Variants in GOLGA1 observed in about 807,000 individuals in gnomAD.
The protein encoded by GOLGA1 is golgin subfamily A member 1.
A neutral mutation model predicts 119.7 loss-of-function variants in GOLGA1; 63 were observed. The observed-to-expected ratio is 0.53, with a 90% confidence interval of 0.43 to 0.65. GOLGA1 has a LOEUF of 0.65. Ranked by LOEUF, GOLGA1 falls within the 30% of genes least tolerant of loss-of-function variation. GOLGA1 has a pLI of 0.00. For synonymous variants in GOLGA1, 318 were observed against 333.4 expected, an observed-to-expected ratio of 0.95 and a Z score of 0.50; for missense variants, 798 against 912.8, an observed-to-expected ratio of 0.87 and a Z score of 1.62.
chr9:124,916,703 A>G (rs1032143791), intron 10 of GOLGA1, among the ~76,000 whole-genome samples: 1 of 151,716 alleles, frequency 6.6e-6, no homozygotes, highest in African/African-American at 2.4e-5. Flanking sequence ...GTGAGACCTT[A>G]ACTATAAAAA....
intron 11 of GOLGA1, among the ~76,000 whole-genome samples, chr9:124,909,423 T>C (rs144921754): frequency 6.1e-4 from 93 of 151,288 alleles, no homozygotes; most frequent in African/African-American, 2.1e-3. Context: ...CTGACCAACA[T>C]GGTGAAGCCC....
chr9:124,943,193 T>A (rs938581869), upstream of GOLGA1: 1 of 152,224 alleles, frequency 6.6e-6, no homozygotes, highest in Non-Finnish European at 1.5e-5. Context: ...AATGTTCAAG[T>A]CAAATGATAG....
chr9:124,886,986 G>A (rs554069329), intron 19 of GOLGA1, among the ~76,000 whole-genome samples: 1 of 152,306 alleles, frequency 6.6e-6, no homozygotes, highest in South Asian at 2.1e-4. Flanking sequence ...GCACTCTCCA[G>A]CCAGGTCTGC....
intron 15 of GOLGA1, among the ~76,000 whole-genome samples, chr9:124,897,219 C>A (rs1274399791): frequency 6.6e-6 from 1 of 152,240 alleles, no homozygotes; most frequent in Non-Finnish European, 1.5e-5. Context: ...TCCCCATTGG[C>A]TGTCCTTGCC....
chr9:124,928,382 C>T lies in GOLGA1; in HGVS notation c.302-97G>A, dbSNP rs958404306. The T allele has an allele frequency of 6.0e-5, 36 of 598,632 alleles. No homozygotes were observed. The African/African-American group carries it at 6.9e-4, about 11-fold the overall frequency. 37.1% of individuals were successfully genotyped at this position (598,632 alleles called of 1,614,324 possible). A position where few individuals can be genotyped will look rare whatever the true frequency, so the allele number is the denominator to read the frequency against. ...TACAACTGTCACCTAATGAAAAAGG[C>T]CAAAGTCACATAAGTGGATTGTGAT... On this transcript the variant is annotated intron_variant, in intron 5 of 22. Coordinates refer to ENST00000373555, the MANE Select transcript of GOLGA1 (RefSeq NM_002077.4).
Position 124,882,498 on chromosome 9 carries a change from GC to G in GOLGA1, c.1965+11del. 6.2e-7 allele frequency: 1 copy of G among 1,602,610 alleles called. No individual in the cohort carries two copies. Among genetic ancestry groups the G allele is most frequent in the African/African-American group, 1.3e-5 (1 of 74,848 alleles). ...GCTGGGAAGTGGGGCCAGCTCCCAT[GC>G]GAGTACTCACCAGCTCCTTCTGCAG... On this transcript the variant is annotated intron_variant, in intron 20 of 22. Coordinates refer to ENST00000373555, the MANE Select transcript of GOLGA1 (RefSeq NM_002077.4).
chr9:124,899,730 A>G (rs948720241), intron 13 of GOLGA1, among the ~76,000 whole-genome samples: 3 of 152,236 alleles, frequency 2.0e-5, no homozygotes, highest in Non-Finnish European at 4.4e-5. Context: ...GGCACCAGCC[A>G]GCCCTTAGAC....
At chr9:124,923,026 T>G (rs1830601061) in intron 8 of GOLGA1, 69 bp downstream of exon 8, 3 of 992,888 alleles carry the variant, frequency 3.0e-6, no homozygotes, top group Non-Finnish European at 4.7e-6. Flanking sequence ...AATTAGAGAG[T>G]GATGACTAGT....
At position 124,881,223 on chromosome 9, in the gene GOLGA1, A is replaced by G; in HGVS notation, c.2171T>C (p.Leu724Pro). The G allele has an allele frequency of 6.2e-7, 1 of 1,605,382 alleles. No individual in the cohort carries two copies. Residue 724 changes from leucine (L) to proline (P), a missense_variant, in exon 22 of 23, where the codon CTG becomes CCG. Leu to Pro is a moderately conservative substitution (Grantham distance 98). Transcript: ENST00000373555. This position sits in a 1 kb window ranked among gnomAD's most constrained non-coding sequence, Gnocchi z 4.9. ...GTTCTCCTCCTCTTGGGAAAAGTTC[A>G]GCAACACTGACACAGCTTTTATAAG... is the stretch of plus-strand genomic sequence containing the variant. ...FHLIKAVSVL[L>P]NFSQEEENML...
At chr9:124,908,212 T>C (rs1453281652) in intron 12 of GOLGA1, among the ~76,000 whole-genome samples, 165 bp downstream of exon 12, 1 of 152,220 alleles carries the variant, frequency 6.6e-6, no homozygotes, top group African/African-American at 2.4e-5. Flanking sequence ...CATAGTAATG[T>C]GACAAGGATG....
intron 4 of GOLGA1, 150 bp downstream of exon 4, chr9:124,931,165 CA>C (rs935303341): frequency 2.6e-4 from 136 of 528,828 alleles, no homozygotes; most frequent in Non-Finnish European, 2.5e-4. Context: ...ACTACACTAA[CA>C]AAAGAAGAGG....
Position 124,946,574 on chromosome 9 carries a change from C to T in GOLGA1, c.-156+1344G>A, listed in dbSNP as rs1407430448. 6.6e-6 allele frequency: 1 copy of T among 152,220 alleles called. No homozygotes were observed. Among genetic ancestry groups the T allele is most frequent in the Non-Finnish European group, 1.5e-5 (1 of 68,044 alleles). 9.4% of individuals were successfully genotyped at this position (152,220 alleles called of 1,614,324 possible). ...AAGTGTATATTAAACATCTCCTACACTCTTTCATGCAAATAAATATGTCAA... is the reference window on the plus strand; with the variant it reads ...AAGTGTATATTAAACATCTCCTACATTCTTTCATGCAAATAAATATGTCAA... On this transcript the variant is annotated intron_variant, in intron 1 of 4. Transcript: ENST00000421514. This position sits in a 1 kb window ranked among gnomAD's most constrained non-coding sequence, Gnocchi z 4.0.
chr9:124,885,501 AG>A (rs1317568264), intron 19 of GOLGA1, among the ~76,000 whole-genome samples: 3 of 144,178 alleles, frequency 2.1e-5, no homozygotes, highest in African/African-American at 7.8e-5. Context: ...AAAAAAAAAA[AG>A]AAATCAATAA....
In GOLGA1 at chr9:124,902,499, TTC is replaced by T. The variant is rs1830130373; in HGVS notation, c.1066-1954_1066-1953del. 2.0e-5 allele frequency among the ~76,000 whole-genome samples: 3 copies of T among 149,494 alleles called. No individual in the cohort carries two copies. The South Asian group carries it at 6.4e-4, about 32-fold the overall frequency. ...TAGACACACAAGGAGAGGATTTTTT[TTC>T]TTTTTGAGACAGTCTTGCTCTGTCG... is the stretch of plus-strand genomic sequence containing the variant. On this transcript the variant is annotated intron_variant, in intron 12 of 22. Coordinates refer to ENST00000373555, the MANE Select transcript of GOLGA1 (RefSeq NM_002077.4).
intron 9 of GOLGA1, 89 bp from the exon 10 acceptor site, chr9:124,921,329 T>A (rs1830565556): frequency 1.2e-6 from 1 of 811,402 alleles, no homozygotes; most frequent in Non-Finnish European, 2.1e-6. Context: ...TGGTTTCTTC[T>A]GTGTCAGGGC....
At position 124,880,596 on chromosome 9, in the gene GOLGA1, C is replaced by T. The variant is rs995405111; in HGVS notation, c.2238G>A (p.Gly746=). The change falls in exon 23 of 23, where the codon GGG becomes GGA. Residue 746 remains glycine, a synonymous_variant. Coordinates refer to ENST00000373555, the MANE Select transcript of GOLGA1 (RefSeq NM_002077.4). Reference sequence around the variant, plus strand: ...TGCTGCCCTTGGGAGCTGGTTTGGACCCAAACCATGACATCTGCATTTGAA... The same window carrying T: ...TGCTGCCCTTGGGAGCTGGTTTGGATCCAAACCATGACATCTGCATTTGAA... The part of the protein sequence containing the change: ...ETLEYKMSWF[G]SKPAPKGSIR... The T allele has an allele frequency of 1.2e-6, 2 of 1,603,804 alleles. No individual in the cohort carries two copies. The highest frequency in any genetic ancestry group is 1.7e-6 in the Non-Finnish European group (2 of 1,170,902).
chr9:124,902,453 T>A (rs1830129412), intron 12 of GOLGA1, among the ~76,000 whole-genome samples: 1 of 151,576 alleles, frequency 6.6e-6, no homozygotes, highest in Middle Eastern at 3.2e-3. Context: ...GAAGGCTGTA[T>A]GCAGCTTGGT....
chr9:124,900,452 G>C lies in GOLGA1; in HGVS notation c.1161C>G (p.Leu387=), dbSNP rs35842648. Reference sequence around the variant, plus strand: ...TGCAGCAGCTCCAATAAGCACTTACGAGCTCCTGTATCTGAGTTTCCTGGG... The same window carrying C: ...TGCAGCAGCTCCAATAAGCACTTACCAGCTCCTGTATCTGAGTTTCCTGGG... ...VAAQETQIQE[L]AAANQESSHV... Residue 387 remains leucine (L), a splice_region_variant and synonymous_variant, in exon 13 of 23, where the codon CTC becomes CTG. Coordinates refer to ENST00000373555, the MANE Select transcript of GOLGA1 (RefSeq NM_002077.4). 417 of 1,471,220 alleles carry C rather than the reference G, an allele frequency of 2.8e-4. No homozygotes were observed. The African/African-American group carries it at 5.3e-3, about 19-fold the overall frequency. The allele number at this position is 1,471,220 out of a possible 1,614,324, so 91.1% of individuals were successfully genotyped here.
chr9:124,938,328 A>G (rs1830921234), intron 3 of GOLGA1, among the ~76,000 whole-genome samples: 1 of 152,100 alleles, frequency 6.6e-6, no homozygotes, highest in South Asian at 2.1e-4. Flanking sequence ...AGACGGAAAA[A>G]CAGTACAAGA....
Sources: gnomAD v4.1 joint callset for allele counts (sites outside exome capture counted in the v4.1 genomes callset) on GRCh38, gnomAD v4.1.1 for gene constraint, Gnocchi (gnomAD v3.1) non-coding constraint, MANE v1.5 for transcripts, NCBI Gene and HGNC (gene_info 2026-07-23, HGNC 2026-07-21) for gene names.